NACA: variants seen among roughly 807,000 people sequenced by gnomAD.
NACA encodes nascent polypeptide-associated complex subunit alpha.
A neutral mutation model predicts 86.4 loss-of-function variants in NACA; 42 were observed. The ratio of observed to expected loss-of-function variants is 0.49; its 90% confidence interval spans 0.38 to 0.63. The LOEUF is 0.63. Among genes scored for constraint, NACA ranks in the 20% least tolerant of loss-of-function variants. NACA has a pLI of 0.00. For missense variants in NACA, 2,157 were observed against 2,483.6 expected (o/e 0.87, Z 2.80); for synonymous variants, 898 against 973.7 (o/e 0.92, Z 1.45).
At position 56,715,794 on chromosome 12, in the gene NACA, G is replaced by A. The variant is rs983427336; in HGVS notation, c.5659+77C>T. ...ACTGGAGAAAGCGGCGCATCACAGGGTTAGTATTGGTGGGTAGCGCCCAAG... is the reference window on the plus strand; with the variant it reads ...ACTGGAGAAAGCGGCGCATCACAGGATTAGTATTGGTGGGTAGCGCCCAAG... On this transcript the variant is annotated intron_variant, in intron 3 of 8. Coordinates refer to ENST00000454682, the MANE Select transcript of NACA (RefSeq NM_001365896.1). 9 of 1,287,626 alleles carry A rather than the reference G, an allele frequency of 7.0e-6. No individual in the cohort carries two copies. In the Admixed American group the frequency reaches 9.7e-5, roughly 14 times the overall value. The allele number at this position is 1,287,626 out of a possible 1,614,324, so 79.8% of individuals were successfully genotyped here.
Position 56,717,060 on chromosome 12 carries a change from G to T in NACA, c.4470C>A (p.Pro1490=). The change falls in exon 3 of 9, where the codon CCC becomes CCA. Residue 1490 remains proline, a synonymous_variant. Transcript: ENST00000454682. ...GGGCTGGAGTTGCTGGGGCCTTTTT[G>T]GGAGAGGAAGAAGTGGCAACTTGTT... ...APKQVATSSS[P]KKAPATPAPM... is the part of the protein sequence containing the mutation. 8.0e-7 allele frequency: 1 copy of T among 1,248,756 alleles called. No homozygotes were observed. The allele number at this position is 1,248,756 out of a possible 1,614,324, so 77.4% of individuals were successfully genotyped here. A position where few individuals can be genotyped will look rare whatever the true frequency, so the allele number is the denominator to read the frequency against.
rs778085879 is a variant in NACA, at chr12:56,716,232, C to T, written c.5298G>A (p.Glu1766=). 7.4e-6 allele frequency: 12 copies of T among 1,613,704 alleles called. No homozygotes were observed. The highest frequency in any genetic ancestry group is 1.0e-5 in the Non-Finnish European group (12 of 1,179,900). ...HSPKGPLAPP[E]SKASTPLTAA... is the part of the protein sequence containing the mutation. Reference sequence around the variant, plus strand: ...CTGTTAGAGGGGTGGACGCCTTAGACTCAGGAGGAGCCAAGGGGCCCTTTG... The same window carrying T: ...CTGTTAGAGGGGTGGACGCCTTAGATTCAGGAGGAGCCAAGGGGCCCTTTG... Residue 1766 remains glutamate, a synonymous_variant, in exon 3 of 9, where the codon GAG becomes GAA. Transcript: ENST00000454682.
Position 56,713,602 on chromosome 12 carries a change from T to C in NACA, c.5905A>G (p.Ile1969Val), listed in dbSNP as rs753104893. The change falls in exon 6 of 9, where the codon ATC becomes GTC. Residue 1969 changes from isoleucine (I) to valine (V), a missense_variant. Physicochemically the swap from Ile to Val is conservative, Grantham distance 29. This residue lies in a region of NACA where 81 missense variants were observed against 200.6 expected (regional missense o/e 0.40). Transcript: ENST00000454682. ...IRKSKNILFVITKPDVYKSPA... is the reference protein window; with the variant it reads ...IRKSKNILFVVTKPDVYKSPA... ...CTCTTGTAGACATCTGGTTTTGTGA[T>C]GACAAAGAGGATATTCTTAGATTTC... 1.1e-5 allele frequency: 18 copies of C among 1,613,910 alleles called. No individual in the cohort carries two copies. Among genetic ancestry groups the C allele is most frequent in the Admixed American group, 3.3e-5 (2 of 60,000 alleles).
chr12:56,723,916 C>T (rs1205842482), intron 2 of NACA, among the ~76,000 whole-genome samples: 7 of 152,190 alleles, frequency 4.6e-5, no homozygotes, highest in Admixed American at 2.6e-4. Flanking sequence ...TATTCCAGCA[C>T]ACTAGAAGTA....
chr12:56,720,777 A>T lies in NACA; in HGVS notation c.753T>A (p.Ile251=). Reference sequence around the variant, plus strand: ...TTTGTGGAGAAATCAGAACTGAGGAAATGGTGGTATCTTTGACTTGAGGGG... The same window carrying T: ...TTTGTGGAGAAATCAGAACTGAGGATATGGTGGTATCTTTGACTTGAGGGG... The part of the protein sequence containing the change: ...IASPQVKDTT[I]SSVLISPQNP... The change falls in exon 3 of 9, where the codon ATT becomes ATA. Residue 251 remains isoleucine (I), a synonymous_variant. Transcript: ENST00000454682. The T allele has an allele frequency of 1.2e-6, 2 of 1,613,968 alleles. No individual in the cohort carries two copies. Among genetic ancestry groups the T allele is most frequent in the African/African-American group, 2.7e-5 (2 of 75,032 alleles).
At chr12:56,725,003 ACTCCTCTTCCGCC>A (rs1953676518) in intron 1 of NACA, 1 of 153,942 alleles carries the variant, frequency 6.5e-6, no homozygotes, top group African/African-American at 2.4e-5. Context: ...AACAAGACGC[ACTCCTCTTCCGCC>A]CTCAACACTG....
chr12:56,717,216 C>CA lies in NACA; in HGVS notation c.4313dup (p.Thr1439AspfsTer98). 7.8e-7 allele frequency: 1 copy of CA among 1,285,606 alleles called. No homozygotes were observed. The highest frequency in any genetic ancestry group is 1.6e-5 in the South Asian group (1 of 62,602). 79.6% of individuals were successfully genotyped at this position (1,285,606 alleles called of 1,614,324 possible). A position where few individuals can be genotyped will look rare whatever the true frequency, so the allele number is the denominator to read the frequency against. On this transcript the variant is annotated frameshift_variant, in exon 3 of 9. Transcript: ENST00000454682. LOFTEE classifies it high-confidence loss of function. ...GGGCCTTTTTGAGGGAGACAGGAGT[C>CA]ACTGCTGGGGGAGTGAGATCTCCTT...
In NACA at chr12:56,713,086, T is replaced by C; in HGVS notation, c.6075A>G (p.Val2025=). The C allele has an allele frequency of 6.2e-7, 1 of 1,614,044 alleles. No homozygotes were observed. The highest frequency in any genetic ancestry group is 8.5e-7 in the Non-Finnish European group (1 of 1,180,002). The change falls in exon 7 of 9, where the codon GTA becomes GTG. Residue 2025 remains valine, a synonymous_variant. Transcript: ENST00000454682. ...CCTCTTCCTCTTCACTCTCCTCTTGTACAGTTGGAGTCTGTGTGTTTTCTT... is the reference window on the plus strand; with the variant it reads ...CCTCTTCCTCTTCACTCTCCTCTTGCACAGTTGGAGTCTGTGTGTTTTCTT... The part of the protein sequence containing the change: ...NIQENTQTPT[V]QEESEEEEVD...
rs774490674 is a variant in NACA at position 56,715,996 on chromosome 12, G to A, written c.5534C>T (p.Pro1845Leu). The A allele has an allele frequency of 3.1e-6, 5 of 1,591,502 alleles. No homozygotes were observed. The highest frequency in any genetic ancestry group is 2.7e-5 in the African/African-American group (2 of 74,618). ...ADEDELLPLI[P>L]PEPISGGVPF... is the part of the protein sequence containing the mutation. ...CACTCCCCCAGAGATTGGTTCCGGG[G>A]GAATCAGAGGCAGCAGCTCATCCTC... The change falls in exon 3 of 9, where the codon CCC becomes CTC. Residue 1845 changes from proline (P) to leucine (L), a missense_variant. Physicochemically the swap from Pro to Leu is moderately conservative, Grantham distance 98 (BLOSUM62 -3). Coordinates refer to ENST00000454682, the MANE Select transcript of NACA (RefSeq NM_001365896.1).
In NACA at chr12:56,716,165, A is replaced by C. The variant is rs371952741; in HGVS notation, c.5365T>G (p.Ser1789Ala). ...GGTGGGGAGGGTGCTGCAGAGACAG[A>C]TGCTGATTCAGGTTTAGGAAGGACC... ...EKVLPKPESA[S>A]VSAAPSPPVS... Residue 1789 changes from serine (S) to alanine (A), a missense_variant, in exon 3 of 9, where the codon TCT becomes GCT. By Grantham distance (99) the Ser-to-Ala change is moderately conservative (BLOSUM62 1). Around this residue, in one of 8 missense-constraint regions of NACA, gnomAD observed 797 missense variants for 777.6 expected, o/e 1.02. Coordinates refer to ENST00000454682, the MANE Select transcript of NACA (RefSeq NM_001365896.1). 5.6e-6 allele frequency: 9 copies of C among 1,613,486 alleles called. No individual in the cohort carries two copies. The African/African-American group carries it at 1.2e-4, about 22-fold the overall frequency.
chr12:56,721,487 AAGGGGG>A, intron 2 of NACA, 28 bp from the exon 3 acceptor site: 31 of 1,262,166 alleles, frequency 2.5e-5, no homozygotes, highest in Non-Finnish European at 3.0e-5. Flanking sequence ...GAGATAAAGA[AAGGGGG>A]AGGGGGAGGA....
Position 56,718,599 on chromosome 12 carries a change from T to TG in NACA, c.2930dup (p.Ala978SerfsTer367), listed in dbSNP as rs1953471038. On this transcript the variant is annotated frameshift_variant, in exon 3 of 9. Transcript: ENST00000454682. LOFTEE classifies it high-confidence loss of function. ...GGGCCCCTTTGGGGGATGGAGTAGC[T>TG]GGACCTCCTTTTGGGGAGGGAGGAG... is the stretch of plus-strand genomic sequence containing the variant. 7.9e-7 allele frequency: 1 copy of TG among 1,265,038 alleles called. No homozygotes were observed. 78.4% of individuals were successfully genotyped at this position (1,265,038 alleles called of 1,614,324 possible). A position where few individuals can be genotyped will look rare whatever the true frequency, so the allele number is the denominator to read the frequency against.
In NACA at chr12:56,716,323, G is replaced by A. The variant is rs375774655; in HGVS notation, c.5207C>T (p.Ala1736Val). The change falls in exon 3 of 9, where the codon GCC (alanine) becomes GTC (valine). Residue 1736 changes from alanine (A) to valine (V), a missense_variant. Ala to Val is a moderately conservative substitution (Grantham distance 64, BLOSUM62 0). Transcript: ENST00000454682. ...GTCTTTCTGAACAGGGAGTAGAGGG[G>A]CTGGAGCCACTGTGGAAAGGGGTCC... ...SKGPLSTVAP[A>V]PLLPVQKDSS... 21 of 1,612,738 alleles carry A rather than the reference G, an allele frequency of 1.3e-5. No homozygotes were observed. The highest frequency in any genetic ancestry group is 1.7e-5 in the Non-Finnish European group (20 of 1,179,732).
At position 56,718,946 on chromosome 12, in the gene NACA, T is replaced by C. The variant is rs374730583; in HGVS notation, c.2584A>G (p.Lys862Glu). ...TTHSPTPPSP[K>E]GAPTPSAVTP... is the part of the protein sequence containing the mutation. Reference sequence around the variant, plus strand: ...ACAGCTGAGGGAGTAGGGGCCCCTTTGGGGGATGGAGGAGTGGGAGAATGC... The same window carrying C: ...ACAGCTGAGGGAGTAGGGGCCCCTTCGGGGGATGGAGGAGTGGGAGAATGC... Residue 862 changes from lysine (K) to glutamate (E), a missense_variant, in exon 3 of 9, where the codon AAA becomes GAA. Physicochemically the swap from Lys to Glu is moderately conservative, Grantham distance 56. Coordinates refer to ENST00000454682, the MANE Select transcript of NACA (RefSeq NM_001365896.1). 4.2e-6 allele frequency: 6 copies of C among 1,445,294 alleles called. No individual in the cohort carries two copies. The highest frequency in any genetic ancestry group is 1.4e-5 in the African/African-American group (1 of 71,276). 89.5% of individuals were successfully genotyped at this position (1,445,294 alleles called of 1,614,324 possible).
rs965763713 is a variant in NACA, at chr12:56,724,659, C to T, written c.-2-136G>A. The T allele has an allele frequency of 1.1e-4, 89 of 829,254 alleles. 1 individual carries two copies. The South Asian group carries it at 1.5e-3, about 14-fold the overall frequency. 51.4% of individuals were successfully genotyped at this position (829,254 alleles called of 1,614,324 possible). A position where few individuals can be genotyped will look rare whatever the true frequency, so the allele number is the denominator to read the frequency against. ...GTGAGGGTGTTTGGTGACAACCTTCCCCAAAGCACCTGGGAATAAGAGGTA... is the reference window on the plus strand; with the variant it reads ...GTGAGGGTGTTTGGTGACAACCTTCTCCAAAGCACCTGGGAATAAGAGGTA... On this transcript the variant is annotated intron_variant, in intron 1 of 8. Coordinates refer to ENST00000454682, the MANE Select transcript of NACA (RefSeq NM_001365896.1).
rs375312973 is a variant in NACA, at chr12:56,719,464, G to A, written c.2066C>T (p.Pro689Leu). The change falls in exon 3 of 9, where the codon CCA becomes CTA. Residue 689 changes from proline to leucine, a missense_variant. Transcript: ENST00000454682. ...GTVSLAPKNH[P>L]VKEGTLTTLP... ...AGTAGTAAGAGTACCTTCCTTAACT[G>A]GGTGGTTTTTAGGAGCTAAAGAGAC... The A allele has an allele frequency of 9.7e-5, 157 of 1,613,626 alleles. No homozygotes were observed. Among genetic ancestry groups the A allele is most frequent in the Non-Finnish European group, 1.3e-4 (151 of 1,179,804 alleles).
rs186314523 is a variant in NACA, at chr12:56,720,793, A to T, written c.737T>A (p.Val246Asp). The T allele has an allele frequency of 2.5e-5, 41 of 1,613,904 alleles. No homozygotes were observed. The highest frequency in any genetic ancestry group is 3.2e-5 in the Non-Finnish European group (38 of 1,179,872). Residue 246 changes from valine (V) to aspartate (D), a missense_variant, in exon 3 of 9, where the codon GTC becomes GAC. By Grantham distance (152) the Val-to-Asp change is radical (BLOSUM62 -3). Transcript: ENST00000454682. ...TTTLAIASPQ[V>D]KDTTISSVLI... ...AACTGAGGAAATGGTGGTATCTTTGACTTGAGGGGAAGCGATGGCTAGGGT... is the reference window on the plus strand; with the variant it reads ...AACTGAGGAAATGGTGGTATCTTTGTCTTGAGGGGAAGCGATGGCTAGGGT...
At chr12:56,725,082 C>T (rs1592326126) in intron 1 of NACA, 181 bp downstream of exon 1, 1 of 152,922 alleles carries the variant, frequency 6.5e-6, no homozygotes, top group African/African-American at 2.4e-5. Context: ...AGCCCTTCTA[C>T]CCTGCTTTTG....
In NACA at chr12:56,717,287, C is replaced by G. The variant is rs761089880; in HGVS notation, c.4243G>C (p.Ala1415Pro). The change falls in exon 3 of 9, where the codon GCT (alanine) becomes CCT (proline). Residue 1415 changes from alanine (A) to proline (P), a missense_variant. By Grantham distance (27) the Ala-to-Pro change is conservative. Coordinates refer to ENST00000454682, the MANE Select transcript of NACA (RefSeq NM_001365896.1). The part of the protein sequence containing the change: ...PAVIPLSPKK[A>P]PATPVTREGA... The stretch of plus-strand genomic sequence containing the variant: ...TCTCTGGTGACTGGAGTTGCTGGAG[C>G]CTTTTTGGGGGAGAGAGGAATCACT... 48 of 1,331,506 alleles carry G rather than the reference C, an allele frequency of 3.6e-5. No individual in the cohort carries two copies. The highest frequency in any genetic ancestry group is 4.4e-5 in the Non-Finnish European group (45 of 1,019,398). 82.5% of individuals were successfully genotyped at this position (1,331,506 alleles called of 1,614,324 possible). A position where few individuals can be genotyped will look rare whatever the true frequency, so the allele number is the denominator to read the frequency against.
Sources: allele counts gnomAD v4.1 joint callset (sites outside exome capture counted in the v4.1 genomes callset), GRCh38; gene constraint gnomAD v4.1.1; regional missense constraint gnomAD v4.1.1; transcripts MANE v1.5; gene names NCBI Gene and HGNC (gene_info 2026-07-23, HGNC 2026-07-21).